Variants in GRID2 observed in about 807,000 individuals in gnomAD.
The protein encoded by GRID2 is glutamate receptor ionotropic, delta-2.
In GRID2, 33 loss-of-function variants were observed where a neutral mutation model predicts 114.8. The ratio of observed to expected loss-of-function variants is 0.29; its 90% CI spans 0.22 to 0.38. The LOEUF (loss-of-function observed/expected upper bound fraction) is 0.38. Ranked by LOEUF, GRID2 falls within the 10% of genes least tolerant of loss-of-function variation. GRID2 has a pLI of 1.00. For synonymous variants in GRID2, 505 were observed against 449.9 expected, an observed-to-expected ratio of 1.12 and a Z score of -1.55; for missense variants, 1,184 against 1,257.7, an observed-to-expected ratio of 0.94 and a Z score of 0.89.
chr4:92,409,737 G>A (rs902268267), intron 1 of GRID2, among the ~76,000 whole-genome samples: 6 of 152,130 alleles, frequency 3.9e-5, no homozygotes, highest in East Asian at 3.9e-4. Context: ...ATTTTTAAGT[G>A]AATATGAAAT....
At chr4:92,514,156 A>C (rs1160221497) in intron 1 of GRID2, among the ~76,000 whole-genome samples, 2 of 151,906 alleles carry the variant, frequency 1.3e-5, no homozygotes, top group African/African-American at 2.4e-5. Context: ...TGTTTTACCC[A>C]TAACAGCCTT....
chr4:93,747,919 A>T (rs1425454833), intron 14 of GRID2, among the ~76,000 whole-genome samples: 1 of 152,106 alleles, frequency 6.6e-6, no homozygotes, highest in East Asian at 1.9e-4. Context: ...CGTCACCATG[A>T]GATAAGTACT....
At position 92,758,431 on chromosome 4, in the gene GRID2, T is replaced by A. The variant is rs547964815; in HGVS notation, c.244+168145T>A. 2.5e-3 allele frequency among the ~76,000 whole-genome samples: 385 copies of A among 152,274 alleles called. 2 individuals carry two copies. Among genetic ancestry groups the A allele is most frequent in the African/African-American group, 8.7e-3 (362 of 41,570 alleles). On this transcript the variant is annotated intron_variant, in intron 2 of 15. Coordinates refer to ENST00000282020, the MANE Select transcript of GRID2 (RefSeq NM_001510.4). ...ACTATATTTTAAGTCTTGTTTAATA[T>A]ATTTTTATGTGGGTCCTCATAGTCT... is the stretch of plus-strand genomic sequence containing the variant.
chr4:92,846,860 C>T (rs1003260951), intron 2 of GRID2, among the ~76,000 whole-genome samples: 3 of 152,016 alleles, frequency 2.0e-5, no homozygotes, highest in Admixed American at 6.6e-5. Flanking sequence ...AAGATGTAGG[C>T]GCTATGCTAT....
At chr4:93,679,350 T>G in intron 14 of GRID2, among the ~76,000 whole-genome samples, 1 of 150,814 alleles carries the variant, frequency 6.6e-6, no homozygotes, top group Admixed American at 6.6e-5. Context: ...CACCCCACTG[T>G]CAACATTAGA....
At chr4:92,641,239 T>C (rs1411633561) in intron 2 of GRID2, among the ~76,000 whole-genome samples, 1 of 151,594 alleles carries the variant, frequency 6.6e-6, no homozygotes, top group African/African-American at 2.4e-5. Context: ...TAAATATATA[T>C]ATTATGAAAA....
At chr4:92,404,127 T>C (rs1730921599) in intron 1 of GRID2, among the ~76,000 whole-genome samples, 1 of 152,158 alleles carries the variant, frequency 6.6e-6, no homozygotes, top group Admixed American at 6.6e-5. Context: ...TGAAGGATTG[T>C]CATAAACCTT....
At chr4:93,803,498 C>T (rs1166162405) in intron 1 of GRID2, among the ~76,000 whole-genome samples, 5 of 151,970 alleles carry the variant, frequency 3.3e-5, no homozygotes, top group African/African-American at 9.7e-5. Flanking sequence ...CCAAGATGGG[C>T]GGATCACAAG....
chr4:92,343,427 T>C (rs1326455388), intron 1 of GRID2, among the ~76,000 whole-genome samples: 2 of 152,132 alleles, frequency 1.3e-5, no homozygotes, highest in Non-Finnish European at 2.9e-5. Flanking sequence ...TGACCCCCTG[T>C]ACAGTCAAAA....
intron 2 of GRID2, among the ~76,000 whole-genome samples, chr4:92,897,275 G>A (rs1451602508): frequency 6.6e-6 from 1 of 152,020 alleles, no homozygotes; most frequent in Non-Finnish European, 1.5e-5. Context: ...GTCTCTCTAA[G>A]TTCTCTGCAC....
At chr4:93,784,166 T>A (rs1157139944) in intron 1 of GRID2, among the ~76,000 whole-genome samples, 1 of 149,308 alleles carries the variant, frequency 6.7e-6, no homozygotes, top group Non-Finnish European at 1.5e-5. Flanking sequence ...GCCCTAATGC[T>A]ACAAGACAAG....
intron 4 of GRID2, among the ~76,000 whole-genome samples, chr4:93,115,344 C>A (rs1440962875): frequency 3.3e-5 from 5 of 150,244 alleles, no homozygotes; most frequent in African/African-American, 1.2e-4. Context: ...CCTCAAACAC[C>A]TGAGTTCCTT....
intron 2 of GRID2, among the ~76,000 whole-genome samples, chr4:92,864,261 A>T (rs1744714254): frequency 6.6e-6 from 1 of 152,194 alleles, no homozygotes; most frequent in African/African-American, 2.4e-5. Context: ...AAAACTTCTT[A>T]GTCACTTCCC....
chr4:93,586,315 C>T (rs756918096), intron 13 of GRID2, among the ~76,000 whole-genome samples: 13 of 152,174 alleles, frequency 8.5e-5, no homozygotes, highest in East Asian at 1.9e-4. Context: ...GTCTCCTAAA[C>T]TTTTCTCATA....
intron 4 of GRID2, among the ~76,000 whole-genome samples, chr4:93,181,590 T>G (rs1335683570): frequency 6.6e-6 from 1 of 152,202 alleles, no homozygotes; most frequent in African/African-American, 2.4e-5. Context: ...GCCACCATCG[T>G]CAATGATCTT....
At chr4:92,451,005 A>G (rs917797501) in intron 1 of GRID2, among the ~76,000 whole-genome samples, 2 of 151,848 alleles carry the variant, frequency 1.3e-5, no homozygotes, top group Admixed American at 1.3e-4. Context: ...CAGTTCACTC[A>G]TAAAGAAATG....
At chr4:92,542,601 A>G (rs945775813) in intron 1 of GRID2, among the ~76,000 whole-genome samples, 2 of 152,000 alleles carry the variant, frequency 1.3e-5, no homozygotes, top group Non-Finnish European at 2.9e-5. Context: ...GAGCATAAGA[A>G]TGATATAATG....
At chr4:93,673,971 A>G (rs917314546) in intron 14 of GRID2, among the ~76,000 whole-genome samples, 10 of 143,164 alleles carry the variant, frequency 7.0e-5, no homozygotes, top group African/African-American at 1.6e-4. Context: ...TCCTTCTTCA[A>G]CCCTGCTTTT....
intron 1 of GRID2, among the ~76,000 whole-genome samples, chr4:92,412,002 C>A (rs1731359880): frequency 6.6e-6 from 1 of 151,866 alleles, no homozygotes; most frequent in Non-Finnish European, 1.5e-5. Flanking sequence ...TGTATTTCTT[C>A]TTTTTCTATC....
Sources: allele counts gnomAD v4.1 joint callset (sites outside exome capture counted in the v4.1 genomes callset), GRCh38; gene constraint gnomAD v4.1.1; transcripts MANE v1.5; gene names NCBI Gene and HGNC (gene_info 2026-07-23, HGNC 2026-07-21).